TMEM126A: variants seen among roughly 807,000 people sequenced by gnomAD.
TMEM126A encodes transmembrane protein 126A.
TMEM126A carries 10 observed loss-of-function variants against 18.3 expected under a neutral mutation model. The observed-to-expected ratio is 0.55, with a 90% confidence interval of 0.34 to 0.93. The LOEUF is 0.93. Ranked by LOEUF, TMEM126A falls within the 40% of genes least tolerant of loss-of-function variation. The pLI, the probability that TMEM126A is intolerant of heterozygous loss-of-function variation, is 0.02. For missense variants in TMEM126A, 246 were observed against 230.2 expected, an observed-to-expected ratio of 1.07 and a Z score of -0.44; for synonymous variants, 68 against 78.1, an observed-to-expected ratio of 0.87 and a Z score of 0.68.
rs2082531832 is a variant in TMEM126A at position 85,655,578 on chromosome 11, C to A, written c.281-16C>A. 1.3e-6 allele frequency: 2 copies of A among 1,574,556 alleles called. No individual in the cohort carries two copies. The highest frequency in any genetic ancestry group is 2.2e-5 in the South Asian group (2 of 90,218). On this transcript the variant is annotated splice_polypyrimidine_tract_variant and intron_variant, in intron 3 of 4. Transcript: ENST00000304511. The stretch of plus-strand genomic sequence containing the variant: ...ACTATCATGACCTTCATTTCTATGA[C>A]TAATTTATTTCCTAGGTGATTTGGA...
intron 4 of TMEM126A, among the ~76,000 whole-genome samples, chr11:85,655,917 C>T (rs2082534433): frequency 6.6e-6 from 1 of 152,086 alleles, no homozygotes; most frequent in African/African-American, 2.4e-5. Context: ...AGGCTATTAA[C>T]CTTAATTTGT....
At chr11:85,649,715 T>C (rs2082485938) in intron 1 of TMEM126A, among the ~76,000 whole-genome samples, 1 of 152,246 alleles carries the variant, frequency 6.6e-6, no homozygotes. Context: ...TACCTATTGG[T>C]ATCTCACTGT....
chr11:85,655,514 C>A, intron 3 of TMEM126A, 80 bp from the exon 4 acceptor site: 1 of 1,071,226 alleles, frequency 9.3e-7, no homozygotes, highest in Non-Finnish European at 1.5e-6. Flanking sequence ...CTGTGATACA[C>A]AAAAGAGGAT....
At position 85,654,070 on chromosome 11, in the gene TMEM126A, CT is replaced by C; in HGVS notation, c.96del (p.Glu33LysfsTer9). 1 of 1,614,188 alleles carries C rather than the reference CT, an allele frequency of 6.2e-7. No homozygotes were observed. The highest frequency in any genetic ancestry group is 1.3e-5 in the African/African-American group (1 of 75,052). On this transcript the variant is annotated frameshift_variant, in exon 3 of 5. Coordinates refer to ENST00000304511, the MANE Select transcript of TMEM126A (RefSeq NM_032273.4). LOFTEE classifies it high-confidence loss of function. The stretch of plus-strand genomic sequence containing the variant: ...TTCTTCTCACCCTTTCAGGAATCTA[CT>C]TGAAAATGGATCGGTTTATGTTGGA... ...NQLPEAERNL[L>X]ENGSVYVGLN...
At position 85,656,290 on chromosome 11, in the gene TMEM126A, T is replaced by C. The variant is rs780575110; in HGVS notation, c.396-19T>C. On this transcript the variant is annotated intron_variant, in intron 4 of 4. Coordinates refer to ENST00000304511, the MANE Select transcript of TMEM126A (RefSeq NM_032273.4). ...TGCAACAATCTTTTCTATTGAACTA[T>C]CTCAATGTTTTCTTACAGGTATCAA... The C allele has an allele frequency of 6.2e-7, 1 of 1,605,918 alleles. No homozygotes were observed. The highest frequency in any genetic ancestry group is 8.5e-7 in the Non-Finnish European group (1 of 1,175,880).
chr11:85,653,252 G>A (rs752265099), intron 2 of TMEM126A, among the ~76,000 whole-genome samples: 24 of 152,184 alleles, frequency 1.6e-4, no homozygotes, highest in Non-Finnish European at 3.1e-4. Flanking sequence ...GATAAGAAAA[G>A]CAATACCTTA....
intron 1 of TMEM126A, 21 bp from the exon 2 acceptor site, chr11:85,650,228 G>T (rs1262529499): frequency 4.2e-6 from 6 of 1,425,086 alleles, no homozygotes; most frequent in South Asian, 2.4e-5. Context: ...CTTGAGAAAT[G>T]ATATCTTCAT....
chr11:85,655,987 A>G (rs945518144), intron 4 of TMEM126A, among the ~76,000 whole-genome samples: 1 of 152,206 alleles, frequency 6.6e-6, no homozygotes, highest in Non-Finnish European at 1.5e-5. Context: ...AACTTCTATC[A>G]TATAAACAAT....
At chr11:85,649,946 A>G (rs1461136547) in intron 1 of TMEM126A, among the ~76,000 whole-genome samples, 1 of 152,184 alleles carries the variant, frequency 6.6e-6, no homozygotes, top group Non-Finnish European at 1.5e-5. Context: ...TCTTTATGGT[A>G]TATGTTGATA....
chr11:85,652,348 T>C (rs746459043), intron 2 of TMEM126A, among the ~76,000 whole-genome samples: 2 of 152,256 alleles, frequency 1.3e-5, no homozygotes, highest in Non-Finnish European at 2.9e-5. Flanking sequence ...GTTCCTATTT[T>C]TTCTCTTCAT....
intron 2 of TMEM126A, among the ~76,000 whole-genome samples, chr11:85,652,945 A>C (rs1297735218): frequency 7.3e-5 from 11 of 151,208 alleles, no homozygotes; most frequent in African/African-American, 2.7e-4. Flanking sequence ...TCCAACCCCC[A>C]CAAAAAAAAA....
chr11:85,650,377 C>A, intron 2 of TMEM126A, 36 bp downstream of exon 2: 1 of 1,411,918 alleles, frequency 7.1e-7, no homozygotes, highest in Non-Finnish European at 1.0e-6. Context: ...CACCTTTTAT[C>A]AGGTGGATTT....
chr11:85,652,567 A>G (rs1471040483), intron 2 of TMEM126A, among the ~76,000 whole-genome samples: 1 of 152,174 alleles, frequency 6.6e-6, no homozygotes, highest in Non-Finnish European at 1.5e-5. Flanking sequence ...TGTCTTATCA[A>G]AAAGTCATGA....
chr11:85,653,939 T>TCTATAAG (rs2082518442), intron 2 of TMEM126A, 124 bp from the exon 3 acceptor site: 1 of 1,196,204 alleles, frequency 8.4e-7, no homozygotes, highest in Non-Finnish European at 1.2e-6. Flanking sequence ...AGATTTTGGT[T>TCTATAAG]CTATAAGGGA....
chr11:85,649,807 G>A (rs1239075201), intron 1 of TMEM126A, among the ~76,000 whole-genome samples: 2 of 152,124 alleles, frequency 1.3e-5, no homozygotes, highest in Non-Finnish European at 2.9e-5. Flanking sequence ...TGAAGTGCCT[G>A]TTCAAATATT....
intron 2 of TMEM126A, among the ~76,000 whole-genome samples, chr11:85,652,846 C>A (rs2082511067): frequency 6.6e-6 from 1 of 150,860 alleles, no homozygotes; most frequent in Non-Finnish European, 1.5e-5. Context: ...AATTGTTTAC[C>A]TGAGCATTGG....
At chr11:85,648,448 A>G (rs1238391881) in intron 1 of TMEM126A, among the ~76,000 whole-genome samples, 5 of 152,192 alleles carry the variant, frequency 3.3e-5, no homozygotes, top group Non-Finnish European at 5.9e-5. Context: ...AGGTAACACA[A>G]AAATCTTTCG....
At chr11:85,651,040 G>C (rs1023818542) in intron 2 of TMEM126A, among the ~76,000 whole-genome samples, 1 of 120,510 alleles carries the variant, frequency 8.3e-6, no homozygotes, top group African/African-American at 3.2e-5. Context: ...CTACACCCCA[G>C]CCTGGGCGAC....
At chr11:85,648,796 G>A (rs1359865533) in intron 1 of TMEM126A, among the ~76,000 whole-genome samples, 3 of 152,132 alleles carry the variant, frequency 2.0e-5, no homozygotes, top group African/African-American at 7.2e-5. Context: ...GAATGTCAAG[G>A]TAATCAACAT....
Sources: gnomAD v4.1 joint callset for allele counts (sites outside exome capture counted in the v4.1 genomes callset) on GRCh38, gnomAD v4.1.1 for gene constraint, MANE v1.5 for transcripts, NCBI Gene and HGNC (gene_info 2026-07-23, HGNC 2026-07-21) for gene names.